The following TMEM108 variants were observed in gnomAD, a reference collection of about 807,000 sequenced individuals.
TMEM108 encodes the protein cancer/testis antigen 124.
In TMEM108, 12 loss-of-function variants were observed where a neutral mutation model predicts 35.1. That is an observed-to-expected ratio of 0.34 (90% confidence interval 0.22 to 0.55). The LOEUF (loss-of-function observed/expected upper bound fraction) is 0.55. Among genes scored for constraint, TMEM108 ranks in the 20% least tolerant of loss-of-function variants. The pLI, the probability that TMEM108 is intolerant of heterozygous loss-of-function variation, is 0.89. For missense variants in TMEM108, 680 were observed against 753.3 expected, an observed-to-expected ratio of 0.90 and a Z score of 1.14; for synonymous variants, 287 against 308.6, an observed-to-expected ratio of 0.93 and a Z score of 0.73.
intron 3 of TMEM108, among the ~76,000 whole-genome samples, chr3:133,343,162 C>G (rs2071715919): frequency 6.6e-6 from 1 of 151,658 alleles, no homozygotes; most frequent in Admixed American, 6.6e-5. Flanking sequence ...GAAACTAAAT[C>G]CAAAATGAAA....
At chr3:133,232,191 G>A (rs928669789) in intron 3 of TMEM108, among the ~76,000 whole-genome samples, 1 of 152,148 alleles carries the variant, frequency 6.6e-6, no homozygotes, top group African/African-American at 2.4e-5. Flanking sequence ...ATTTTATCCC[G>A]TTTTGGAGGT....
At chr3:133,080,977 C>T (rs1943802451) in intron 2 of TMEM108, among the ~76,000 whole-genome samples, 1 of 150,760 alleles carries the variant, frequency 6.6e-6, no homozygotes, top group Admixed American at 6.6e-5. Context: ...GGAACATGAA[C>T]TTTAAGCTGA....
chr3:133,148,478 C>T (rs1944753206), intron 2 of TMEM108, among the ~76,000 whole-genome samples: 1 of 152,100 alleles, frequency 6.6e-6, no homozygotes, highest in Non-Finnish European at 1.5e-5. Flanking sequence ...AAAAAAAAAT[C>T]TTCCATGAGG....
intron 3 of TMEM108, among the ~76,000 whole-genome samples, chr3:133,237,799 C>A (rs2370047): frequency 0.96 from 146,180 of 152,316 alleles, 70,402 homozygotes; most frequent in East Asian, 1. Context: ...TTTGTGTTAG[C>A]AAATGCTTTT....
At chr3:133,177,236 A>G (rs931125891) in intron 2 of TMEM108, among the ~76,000 whole-genome samples, 1 of 152,204 alleles carries the variant, frequency 6.6e-6, no homozygotes, top group Non-Finnish European at 1.5e-5. Flanking sequence ...TACCAGAGGT[A>G]CAAGGAGGAG....
intron 3 of TMEM108, among the ~76,000 whole-genome samples, chr3:133,329,376 G>A (rs1193512171): frequency 6.6e-6 from 1 of 152,130 alleles, no homozygotes. Context: ...CCCTATGCAG[G>A]TGACACATTA....
intron 2 of TMEM108, among the ~76,000 whole-genome samples, chr3:133,109,457 G>A (rs569484734): frequency 5.3e-5 from 8 of 150,566 alleles, no homozygotes; most frequent in Non-Finnish European, 7.4e-5. Context: ...GTGAGACCCC[G>A]TTCTCCACAA....
At chr3:133,308,997 G>C (rs1350819951) in intron 3 of TMEM108, among the ~76,000 whole-genome samples, 1 of 152,058 alleles carries the variant, frequency 6.6e-6, no homozygotes, top group Non-Finnish European at 1.5e-5. Context: ...GTCCTGGACT[G>C]TTTTTGGTTG....
At chr3:133,265,113 T>C (rs1346817673) in intron 3 of TMEM108, among the ~76,000 whole-genome samples, 3 of 152,238 alleles carry the variant, frequency 2.0e-5, no homozygotes, top group African/African-American at 7.2e-5. Flanking sequence ...CTGGTCATTC[T>C]GAACACTCAC....
At chr3:133,224,481 A>G (rs1433551854) in intron 2 of TMEM108, among the ~76,000 whole-genome samples, 1 of 152,182 alleles carries the variant, frequency 6.6e-6, no homozygotes, top group Non-Finnish European at 1.5e-5. Flanking sequence ...TGTAGCTCCT[A>G]TAATTCCCAC....
chr3:133,087,977 T>C (rs1197893633), intron 2 of TMEM108, among the ~76,000 whole-genome samples: 1 of 152,268 alleles, frequency 6.6e-6, no homozygotes, highest in East Asian at 1.9e-4. Context: ...TACTATAATC[T>C]GGGTATTGCA....
At chr3:133,115,035 C>T (rs896917567) in intron 2 of TMEM108, among the ~76,000 whole-genome samples, 1 of 152,106 alleles carries the variant, frequency 6.6e-6, no homozygotes, top group Non-Finnish European at 1.5e-5. Context: ...ACAAACAAGA[C>T]CCTGAGAACT....
chr3:133,344,649 T>A (rs1036247503), intron 3 of TMEM108, among the ~76,000 whole-genome samples: 3 of 151,814 alleles, frequency 2.0e-5, no homozygotes, highest in African/African-American at 7.2e-5. Flanking sequence ...CACTTATGAA[T>A]TATCCAGTAG....
chr3:133,345,037 A>T (rs893573527), intron 3 of TMEM108, among the ~76,000 whole-genome samples: 1 of 151,902 alleles, frequency 6.6e-6, no homozygotes, highest in African/African-American at 2.4e-5. Context: ...AAAGAGGCCT[A>T]TGTCACTGAA....
intron 2 of TMEM108, among the ~76,000 whole-genome samples, chr3:133,177,606 A>G (rs1271699591): frequency 6.6e-6 from 1 of 152,242 alleles, no homozygotes; most frequent in Non-Finnish European, 1.5e-5. Context: ...GCCTTAGACA[A>G]AATTCAACAA....
At chr3:133,201,906 A>C (rs926759297) in intron 2 of TMEM108, among the ~76,000 whole-genome samples, 1 of 151,834 alleles carries the variant, frequency 6.6e-6, no homozygotes, top group Non-Finnish European at 1.5e-5. Flanking sequence ...ATTAATTGAC[A>C]CTCCCACCAA....
intron 2 of TMEM108, among the ~76,000 whole-genome samples, chr3:133,224,561 A>T (rs996682153): frequency 4.6e-5 from 7 of 152,068 alleles, no homozygotes. Flanking sequence ...TACTGTTCTC[A>T]TGGTAGTGAA....
chr3:133,393,805 C>T (rs1250297137), intron 5 of TMEM108, among the ~76,000 whole-genome samples: 4 of 152,204 alleles, frequency 2.6e-5, no homozygotes, highest in East Asian at 1.9e-4. Flanking sequence ...GGACAATACT[C>T]GTGAACGCAC....
At chr3:133,126,359 C>T (rs796486295) in intron 2 of TMEM108, among the ~76,000 whole-genome samples, 5 of 151,686 alleles carry the variant, frequency 3.3e-5, no homozygotes, top group African/African-American at 9.7e-5. Flanking sequence ...ACCAGCTACT[C>T]GGGAGGCTGA....
Sources: gnomAD v4.1 joint callset for allele counts (sites outside exome capture counted in the v4.1 genomes callset) on GRCh38, gnomAD v4.1.1 for gene constraint, MANE v1.5 for transcripts, NCBI Gene and HGNC (gene_info 2026-07-23, HGNC 2026-07-21) for gene names.